The following ZAP70 variants were observed in gnomAD, a reference collection of about 807,000 sequenced individuals.
ZAP70 encodes the protein tyrosine-protein kinase ZAP-70.
In ZAP70, 27 loss-of-function variants were observed where a neutral mutation model predicts 65.8. The ratio of observed to expected loss-of-function variants is 0.41; its 90% confidence interval spans 0.30 to 0.57. ZAP70 has a LOEUF of 0.57. Among genes scored for constraint, ZAP70 ranks in the 20% least tolerant of loss-of-function variants. The probability of loss-of-function intolerance (pLI) is 0.28; values close to 1 mark genes in which losing one functional copy is unlikely to be tolerated. For synonymous variants in ZAP70, 363 were observed against 360.8 expected, an observed-to-expected ratio of 1.01 and a Z score of -0.07; for missense variants, 696 against 870.5, an observed-to-expected ratio of 0.80 and a Z score of 2.52.
At chr2:97,717,702 T>C (rs1312188852) in intron 2 of ZAP70, among the ~76,000 whole-genome samples, 1 of 152,278 alleles carries the variant, frequency 6.6e-6, no homozygotes, top group African/African-American at 2.4e-5. Flanking sequence ...GGTCCTTCCA[T>C]GTGGTCTTCT....
At chr2:97,747,575 A>C in the ZAP70 span, among the ~76,000 whole-genome samples, 5 of 152,186 alleles carry the variant, frequency 3.3e-5, no homozygotes, top group African/African-American at 4.8e-5. Context: ...GACAGTGGGT[A>C]GTGACTGCTC....
chr2:97,742,723 C>T (rs1678161111), downstream of ZAP70, among the ~76,000 whole-genome samples: 2 of 152,190 alleles, frequency 1.3e-5, no homozygotes, highest in African/African-American at 4.8e-5. Flanking sequence ...CTGGGTGCCT[C>T]GAACACACAA....
At chr2:97,744,167 A>G (rs1285272711), downstream of ZAP70, among the ~76,000 whole-genome samples, 2 of 152,220 alleles carry the variant, frequency 1.3e-5, no homozygotes, top group Middle Eastern at 3.4e-3. Flanking sequence ...GCGAAACCCT[A>G]TCCACTCCCC....
chr2:97,739,247 C>T, intron 13 of ZAP70, 128 bp from the exon 14 acceptor site: 2 of 1,447,542 alleles, frequency 1.4e-6, no homozygotes, highest in Non-Finnish European at 1.9e-6. Context: ...TCCCGCCACC[C>T]CAACAGCCCT....
At position 97,736,744 on chromosome 2, in the gene ZAP70, C is replaced by A. The variant is rs940318839; in HGVS notation, c.1290-729C>A. ...GCAAAGGGCACCGCCTGTGCAGAGGCCCTGAGGTGGTCCCGTGCCTCGTGT... is the reference window on the plus strand; with the variant it reads ...GCAAAGGGCACCGCCTGTGCAGAGGACCTGAGGTGGTCCCGTGCCTCGTGT... On this transcript the variant is annotated intron_variant, in intron 10 of 13. Transcript: ENST00000264972. This position sits in a 1 kb window ranked among gnomAD's most constrained non-coding sequence, Gnocchi z 4.0. Among the ~76,000 whole-genome samples the A allele has an allele frequency of 6.6e-6, 1 of 152,118 alleles. No individual in the cohort carries two copies.
downstream of ZAP70, among the ~76,000 whole-genome samples, chr2:97,740,250 T>G (rs187543625): frequency 2.4e-3 from 369 of 152,288 alleles, 1 homozygote; most frequent in Non-Finnish European, 4.1e-3. Context: ...GATACAATGC[T>G]TTTCATTGGT....
downstream of ZAP70, among the ~76,000 whole-genome samples, chr2:97,742,049 G>GT (rs1400654804): frequency 6.6e-6 from 1 of 152,232 alleles, no homozygotes; most frequent in African/African-American, 2.4e-5. Context: ...CAGGAATAGT[G>GT]TGTAGTGGGA....
chr2:97,748,254 G>A, the ZAP70 span, among the ~76,000 whole-genome samples: 1 of 152,122 alleles, frequency 6.6e-6, no homozygotes, highest in African/African-American at 2.4e-5. Context: ...AGAATGGTTG[G>A]GGAAAACCAG....
At chr2:97,729,403 A>C (rs1677513819) in intron 4 of ZAP70, among the ~76,000 whole-genome samples, 1 of 152,004 alleles carries the variant, frequency 6.6e-6, no homozygotes, top group Non-Finnish European at 1.5e-5. Context: ...TCTCTTACCA[A>C]CTCTGCAATT....
chr2:97,734,300 G>A, intron 8 of ZAP70: 4 of 1,347,538 alleles, frequency 3.0e-6, no homozygotes, highest in African/African-American at 1.5e-5. Context: ...CGCCCCTAGA[G>A]TCCACCCTCA....
At chr2:97,753,815 CAAAAAATA>C in the ZAP70 span, among the ~76,000 whole-genome samples, 1 of 151,732 alleles carries the variant, frequency 6.6e-6, no homozygotes, top group Admixed American at 6.5e-5. Context: ...CTATAAAAAA[CAAAAAATA>C]AAAAAATAAA....
chr2:97,724,883 C>G (rs1351839903), intron 3 of ZAP70: 3 of 1,531,386 alleles, frequency 2.0e-6, no homozygotes, highest in Non-Finnish European at 2.6e-6. Flanking sequence ...CGCTTGGGGC[C>G]GCGCTGGAAG....
At position 97,719,443 on chromosome 2, in the gene ZAP70, G is replaced by C. The variant is rs544330004; in HGVS notation, c.-21-4573G>C. Among the ~76,000 whole-genome samples the C allele has an allele frequency of 1.2e-3, 183 of 151,774 alleles. 1 individual carries two copies. The highest frequency in any genetic ancestry group is 4.2e-3 in the African/African-American group (175 of 41,330). On this transcript the variant is annotated intron_variant, in intron 2 of 13. Transcript: ENST00000264972. Reference sequence around the variant, plus strand: ...AGGTCTGTGGGGCTCAAGCAGGAGGGAGGAGTCATAGGTGTCGGCCATTCA... The same window carrying C: ...AGGTCTGTGGGGCTCAAGCAGGAGGCAGGAGTCATAGGTGTCGGCCATTCA...
chr2:97,735,782 G>C (rs1057341064), intron 10 of ZAP70, among the ~76,000 whole-genome samples: 4 of 152,200 alleles, frequency 2.6e-5, no homozygotes, highest in African/African-American at 7.2e-5. Context: ...GGGAGGCCAA[G>C]GCGGGTGGAT....
chr2:97,734,422 G>C, intron 8 of ZAP70, 98 bp from the exon 9 acceptor site: 1 of 1,480,310 alleles, frequency 6.8e-7, no homozygotes, highest in Non-Finnish European at 9.0e-7. Context: ...CTCCAGGGAC[G>C]GCACCCTTGT....
chr2:97,724,500 GT>G, intron 3 of ZAP70, 62 bp downstream of exon 3: 2 of 1,510,616 alleles, frequency 1.3e-6, no homozygotes, highest in Non-Finnish European at 8.8e-7. Context: ...GCAGTCGAGG[GT>G]TTTGGGGGGA....
At chr2:97,733,084 G>A (rs1016244575) in intron 5 of ZAP70, 41 bp from the exon 6 acceptor site, 3 of 1,614,006 alleles carry the variant, frequency 1.9e-6, no homozygotes, top group Non-Finnish European at 2.5e-6. Context: ...CGGGCTCTGG[G>A]GAGGAGAGGA....
intron 4 of ZAP70, among the ~76,000 whole-genome samples, chr2:97,732,397 G>A (rs1308724339): frequency 6.6e-6 from 1 of 152,208 alleles, no homozygotes; most frequent in African/African-American, 2.4e-5. Flanking sequence ...ACCTGTTGAA[G>A]GCTCTGGGTC....
intron 4 of ZAP70, among the ~76,000 whole-genome samples, chr2:97,729,042 C>T (rs1358008135): frequency 1.1e-4 from 16 of 152,228 alleles, no homozygotes; most frequent in East Asian, 5.8e-4. Flanking sequence ...CGTGAGCCAC[C>T]GCGCCTGGCC....
Sources: gnomAD v4.1 joint callset for allele counts (sites outside exome capture counted in the v4.1 genomes callset) on GRCh38, gnomAD v4.1.1 for gene constraint, Gnocchi (gnomAD v3.1) non-coding constraint, MANE v1.5 for transcripts, NCBI Gene and HGNC (gene_info 2026-07-23, HGNC 2026-07-21) for gene names.